Variants in UGGT2 observed in about 807,000 individuals in gnomAD.
UGGT2 encodes the protein UDP-glucose glycoprotein glucosyltransferase 2.
Under a neutral mutation model 192.1 loss-of-function variants are expected in UGGT2, and 180 were observed. The ratio of observed to expected loss-of-function variants is 0.94; its 90% confidence interval spans 0.83 to 1.06. The LOEUF (loss-of-function observed/expected upper bound fraction) is 1.06, where lower values mean the gene tolerates loss of function less well. Among genes scored for constraint, UGGT2 ranks in the 50% least tolerant of loss-of-function variants. The probability of loss-of-function intolerance (pLI) is 0.00; values close to 1 mark genes in which losing one functional copy is unlikely to be tolerated. For synonymous variants in UGGT2, 580 were observed against 591.0 expected, an observed-to-expected ratio of 0.98 and a Z score of 0.27; for missense variants, 1,849 against 1,795.7, an observed-to-expected ratio of 1.03 and a Z score of -0.54.
intron 5 of UGGT2, among the ~76,000 whole-genome samples, chr13:96,000,377 T>G (rs924925530): frequency 1.3e-5 from 2 of 152,210 alleles, no homozygotes; most frequent in Non-Finnish European, 2.9e-5. Context: ...CTGTTCTATT[T>G]CCAGGTAAGA....
chr13:95,900,771 C>A, intron 22 of UGGT2, 36 bp downstream of exon 22: 2 of 1,589,166 alleles, frequency 1.3e-6, no homozygotes, highest in South Asian at 2.3e-5. Flanking sequence ...ACTGCAGTGT[C>A]ACTGAGAAAA....
At chr13:95,917,391 T>A (rs989486447) in intron 20 of UGGT2, among the ~76,000 whole-genome samples, 6 of 152,144 alleles carry the variant, frequency 3.9e-5, no homozygotes, top group African/African-American at 1.4e-4. Flanking sequence ...CAGGCCTGCC[T>A]TGCAAGAGCT....
chr13:95,925,646 T>C, intron 20 of UGGT2, 34 bp downstream of exon 20: 1 of 1,343,446 alleles, frequency 7.4e-7, no homozygotes, highest in East Asian at 2.5e-5. Flanking sequence ...TTGAAATAAA[T>C]TAAAATTGTT....
At chr13:95,812,847 C>A (rs1054456405) in intron 38 of UGGT2, among the ~76,000 whole-genome samples, 1 of 152,112 alleles carries the variant, frequency 6.6e-6, no homozygotes, top group Non-Finnish European at 1.5e-5. Flanking sequence ...CCTGAGGCCT[C>A]CCCCATTTAT....
At position 95,835,079 on chromosome 13, in the gene UGGT2, A is replaced by G. The variant is rs147185935; in HGVS notation, c.4401+2007T>C. 3.2e-3 allele frequency among the ~76,000 whole-genome samples: 487 copies of G among 152,330 alleles called. 3 individuals carry two copies. The highest frequency in any genetic ancestry group is 0.011 in the African/African-American group (465 of 41,568). ...TCAATACAAAAATTAGTAATGAGAT[A>G]TATGTTATTTTCATTGTATTGAGTA... On this transcript the variant is annotated intron_variant, in intron 37 of 38. Transcript: ENST00000376747.
intron 10 of UGGT2, among the ~76,000 whole-genome samples, chr13:95,983,350 A>G (rs2051187016): frequency 6.6e-6 from 1 of 152,140 alleles, no homozygotes; most frequent in Admixed American, 6.5e-5. Flanking sequence ...ACAAATATTA[A>G]CACAACTAGA....
At chr13:95,954,756 A>C (rs1490980535) in intron 12 of UGGT2, among the ~76,000 whole-genome samples, 2 of 152,106 alleles carry the variant, frequency 1.3e-5, no homozygotes, top group Non-Finnish European at 1.5e-5. Flanking sequence ...AAAATGTATA[A>C]AACCAAGTTG....
intron 36 of UGGT2, among the ~76,000 whole-genome samples, chr13:95,842,564 C>A (rs1425594572): frequency 6.6e-6 from 1 of 152,106 alleles, no homozygotes; most frequent in Non-Finnish European, 1.5e-5. Flanking sequence ...AATTCCTTCT[C>A]CTGGTCTGGC....
intron 31 of UGGT2, among the ~76,000 whole-genome samples, chr13:95,862,717 C>T (rs966596761): frequency 1.3e-5 from 2 of 152,140 alleles, no homozygotes; most frequent in Admixed American, 1.3e-4. Context: ...TAAACTTTTA[C>T]TTACAAAAGT....
chr13:95,815,358 C>T (rs1884778799), intron 38 of UGGT2, among the ~76,000 whole-genome samples: 1 of 152,148 alleles, frequency 6.6e-6, no homozygotes, highest in African/African-American at 2.4e-5. Context: ...TGAAAAAATT[C>T]CTAAGAACTC....
In UGGT2 at chr13:95,811,432, C is replaced by T. The variant is rs147783124; in HGVS notation, c.4529-9620G>A. ...TGGAGACAGAAGTAGATTCGTAGTA[C>T]TTTATAGATCAGTTGTTCAGGGTCA... On this transcript the variant is annotated intron_variant, in intron 38 of 38. Coordinates refer to ENST00000376747, the MANE Select transcript of UGGT2 (RefSeq NM_020121.4). 1.6e-3 allele frequency among the ~76,000 whole-genome samples: 248 copies of T among 152,198 alleles called. 3 individuals carry two copies. The East Asian group carries it at 0.022, about 13-fold the overall frequency.
chr13:95,847,450 A>G (rs189367576), intron 36 of UGGT2, among the ~76,000 whole-genome samples: 2 of 152,290 alleles, frequency 1.3e-5, no homozygotes, highest in Non-Finnish European at 2.9e-5. Context: ...CACCATATTC[A>G]TCACTTGCCC....
At chr13:96,009,147 G>T (rs1172586908) in intron 5 of UGGT2, among the ~76,000 whole-genome samples, 1 of 152,120 alleles carries the variant, frequency 6.6e-6, no homozygotes, top group Non-Finnish European at 1.5e-5. Flanking sequence ...ATATGCAGAA[G>T]ACTGAAACTG....
chr13:95,803,059 C>T (rs1461250435), intron 38 of UGGT2, among the ~76,000 whole-genome samples: 3 of 152,030 alleles, frequency 2.0e-5, no homozygotes. Flanking sequence ...TGGTCTCGAT[C>T]TCCTGACCTC....
Position 95,937,006 on chromosome 13 carries a change from T to G in UGGT2, c.1895A>C (p.Glu632Ala). 6.2e-7 allele frequency: 1 copy of G among 1,606,760 alleles called. No homozygotes were observed. The highest frequency in any genetic ancestry group is 1.1e-5 in the South Asian group (1 of 89,260). ...CATTTTTAGTTCTTTAATATTCATC[T>G]CTTCATGTTTAAAGGGTTCACCATT... is the stretch of plus-strand genomic sequence containing the variant. Reference protein sequence around the residue: ...LYNGEPFKHEEMNIKELKMAV... With the variant: ...LYNGEPFKHEAMNIKELKMAV... The change falls in exon 17 of 39, where the codon GAG (glutamate) becomes GCG (alanine). Residue 632 changes from glutamate to alanine, a missense_variant. Glu to Ala is a moderately radical substitution (Grantham distance 107). Coordinates refer to ENST00000376747, the MANE Select transcript of UGGT2 (RefSeq NM_020121.4).
intron 20 of UGGT2, among the ~76,000 whole-genome samples, chr13:95,914,499 G>A (rs1297253527): frequency 6.6e-6 from 1 of 151,644 alleles, no homozygotes; most frequent in East Asian, 1.9e-4. Flanking sequence ...AAGTGGGTGG[G>A]CTCAGTGGCT....
intron 29 of UGGT2, among the ~76,000 whole-genome samples, chr13:95,875,807 T>G (rs554106039): frequency 1.3e-5 from 2 of 152,144 alleles, no homozygotes; most frequent in Non-Finnish European, 2.9e-5. Context: ...CTAGGCACAG[T>G]ATAAAGGGGA....
chr13:95,872,959 C>T (rs1891344714), intron 29 of UGGT2, among the ~76,000 whole-genome samples: 1 of 152,128 alleles, frequency 6.6e-6, no homozygotes. Flanking sequence ...CAAAACCCCA[C>T]AAGGGAGGTA....
chr13:95,938,501 G>C (rs893997365), intron 16 of UGGT2, among the ~76,000 whole-genome samples: 20 of 152,148 alleles, frequency 1.3e-4, no homozygotes, highest in Non-Finnish European at 2.2e-4. Flanking sequence ...ATGTTACACA[G>C]CTACAATGTT....
Sources: gnomAD v4.1 joint callset for allele counts (sites outside exome capture counted in the v4.1 genomes callset) on GRCh38, gnomAD v4.1.1 for gene constraint, MANE v1.5 for transcripts, NCBI Gene and HGNC (gene_info 2026-07-23, HGNC 2026-07-21) for gene names.